The following PTPRD variants were observed in gnomAD, a reference collection of about 807,000 sequenced individuals.
PTPRD encodes the protein receptor-type tyrosine-protein phosphatase delta.
In PTPRD, 34 loss-of-function variants were observed where a neutral mutation model predicts 214.5. The ratio of observed to expected loss-of-function variants is 0.16; its 90% CI spans 0.12 to 0.21. The LOEUF is 0.21. PTPRD is among the 10% of genes least tolerant of loss of function. The pLI, the probability that PTPRD is intolerant of heterozygous loss-of-function variation, is 1.00. For synonymous variants in PTPRD, 1,128 were observed against 845.7 expected, an observed-to-expected ratio of 1.33 and a Z score of -5.79; for missense variants, 2,545 against 2,398.7, an observed-to-expected ratio of 1.06 and a Z score of -1.27.
intron 3 of PTPRD, among the ~76,000 whole-genome samples, chr9:10,240,057 T>C (rs2099642363): frequency 6.6e-6 from 1 of 151,928 alleles, no homozygotes; most frequent in Non-Finnish European, 1.5e-5. Context: ...TCAAGAAACA[T>C]CTAAACAGAC....
intron 33 of PTPRD, chr9:8,454,733 G>T: frequency 2.3e-6 from 2 of 868,512 alleles, no homozygotes; most frequent in South Asian, 3.0e-5. Context: ...ACATTCAGAA[G>T]CGACAGCGAA....
chr9:8,973,307 C>G (rs1251109083), intron 11 of PTPRD, among the ~76,000 whole-genome samples: 6 of 151,956 alleles, frequency 3.9e-5, no homozygotes, highest in Non-Finnish European at 7.4e-5. Flanking sequence ...TATAGACGGA[C>G]ACACAGGATT....
chr9:8,725,391 T>C (rs2098546405), intron 12 of PTPRD, among the ~76,000 whole-genome samples: 1 of 152,200 alleles, frequency 6.6e-6, no homozygotes, highest in Non-Finnish European at 1.5e-5. Flanking sequence ...ACTCAATGCT[T>C]GGCACGGGAA....
intron 9 of PTPRD, among the ~76,000 whole-genome samples, chr9:9,292,743 A>T (rs1951609078): frequency 6.6e-6 from 1 of 151,484 alleles, no homozygotes; most frequent in Non-Finnish European, 1.5e-5. Context: ...CTTGGCTGCG[A>T]CAGTTTCTTA....
chr9:8,811,749 C>T (rs375305479), intron 11 of PTPRD, among the ~76,000 whole-genome samples: 49 of 152,232 alleles, frequency 3.2e-4, no homozygotes, highest in African/African-American at 8.2e-4. Context: ...AGAAAAACAA[C>T]GCAGTCGTAA....
chr9:8,582,607 C>T (rs368407887), intron 14 of PTPRD, among the ~76,000 whole-genome samples: 4 of 151,976 alleles, frequency 2.6e-5, no homozygotes, highest in African/African-American at 9.7e-5. Flanking sequence ...GAAGATGAAA[C>T]ATATGGAGAA....
At chr9:9,272,592 G>T (rs1417633574) in intron 9 of PTPRD, among the ~76,000 whole-genome samples, 1 of 151,228 alleles carries the variant, frequency 6.6e-6, no homozygotes, top group Non-Finnish European at 1.5e-5. Flanking sequence ...TTGCTGTAGT[G>T]GTCCGTTGAC....
intron 9 of PTPRD, among the ~76,000 whole-genome samples, chr9:9,344,835 G>GA (rs573654997): frequency 4.0e-4 from 61 of 151,574 alleles, no homozygotes; most frequent in Non-Finnish European, 7.5e-4. Context: ...TGGTAGTTAA[G>GA]AAAAAAAATG....
At position 10,508,822 on chromosome 9, in the gene PTPRD, A is replaced by T. The variant is rs112630180; in HGVS notation, c.-600+103576T>A. ...GGTGGGGGTAGAGGGGAAGGAAAGC[A>T]TTAGGAGATATACCTAATATAAATG... On this transcript the variant is annotated intron_variant, in intron 2 of 45. Transcript: ENST00000381196. Among the ~76,000 whole-genome samples, 1,182 of 152,250 alleles carry T rather than the reference A, an allele frequency of 7.8e-3. 20 individuals carry two copies. Among genetic ancestry groups the T allele is most frequent in the African/African-American group, 0.027 (1,132 of 41,534 alleles).
At chr9:8,726,588 AATATATATATATATATATATATATATAT>A (rs1162966341) in intron 12 of PTPRD, among the ~76,000 whole-genome samples, 2 of 9,678 alleles carry the variant, frequency 2.1e-4, no homozygotes, top group Non-Finnish European at 3.7e-4. Context: ...AAAAAAAAAA[AATATATATATATATATATATATATATAT>A]ATATATATAT....
chr9:10,485,675 T>C (rs573253055), intron 2 of PTPRD, among the ~76,000 whole-genome samples: 1 of 152,128 alleles, frequency 6.6e-6, no homozygotes, highest in African/African-American at 2.4e-5. Flanking sequence ...TTTTGGCATA[T>C]AGAAATACTG....
At chr9:9,733,711 A>G (rs1297780509) in intron 7 of PTPRD, among the ~76,000 whole-genome samples, 1 of 152,148 alleles carries the variant, frequency 6.6e-6, no homozygotes, top group Non-Finnish European at 1.5e-5. Context: ...AGTATTATGG[A>G]AAGGGTCACT....
chr9:9,237,973 C>T (rs2099967998), intron 9 of PTPRD, among the ~76,000 whole-genome samples: 1 of 152,134 alleles, frequency 6.6e-6, no homozygotes, highest in African/African-American at 2.4e-5. Context: ...CTTTGATTTT[C>T]TGTCCAGTTT....
At chr9:9,746,802 A>G (rs993550220) in intron 6 of PTPRD, among the ~76,000 whole-genome samples, 1 of 148,412 alleles carries the variant, frequency 6.7e-6, no homozygotes, top group Admixed American at 6.8e-5. Context: ...GATAGACAAG[A>G]TGTGCTTGAA....
At chr9:9,128,167 G>C (rs2099836990) in intron 10 of PTPRD, among the ~76,000 whole-genome samples, 2 of 152,176 alleles carry the variant, frequency 1.3e-5, no homozygotes, top group African/African-American at 4.8e-5. Flanking sequence ...AAGCATGTGT[G>C]TGACCATGAT....
intron 7 of PTPRD, among the ~76,000 whole-genome samples, chr9:9,725,426 A>G (rs1310420240): frequency 6.6e-6 from 1 of 152,028 alleles, no homozygotes; most frequent in Non-Finnish European, 1.5e-5. Flanking sequence ...AGTCCATTAA[A>G]CGTCTTTTTC....
intron 11 of PTPRD, among the ~76,000 whole-genome samples, chr9:8,897,436 G>A (rs948557295): frequency 1.3e-5 from 2 of 152,174 alleles, no homozygotes; most frequent in African/African-American, 4.8e-5. Flanking sequence ...GATACACTAA[G>A]TGAAGCTTTG....
chr9:9,775,707 G>A (rs373941450), intron 5 of PTPRD, among the ~76,000 whole-genome samples: 1 of 152,244 alleles, frequency 6.6e-6, no homozygotes, highest in Middle Eastern at 3.4e-3. Flanking sequence ...ACTTTGGGAG[G>A]CCAAGGCGGG....
chr9:8,865,741 G>A (rs1239323384), intron 11 of PTPRD, among the ~76,000 whole-genome samples: 1 of 152,074 alleles, frequency 6.6e-6, no homozygotes, highest in Non-Finnish European at 1.5e-5. Context: ...ACTGTGGCCT[G>A]GTTAGATGTC....
Sources: allele counts gnomAD v4.1 joint callset (sites outside exome capture counted in the v4.1 genomes callset), GRCh38; gene constraint gnomAD v4.1.1; transcripts MANE v1.5; gene names NCBI Gene and HGNC (gene_info 2026-07-23, HGNC 2026-07-21).